The following TTLL8 variants were observed in gnomAD, a reference collection of about 807,000 sequenced individuals.
TTLL8 encodes the protein protein monoglycylase TTLL8.
Under a neutral mutation model 77.8 loss-of-function variants are expected in TTLL8, and 65 were observed. That is an observed-to-expected ratio of 0.84 (90% CI 0.68 to 1.03). The LOEUF (loss-of-function observed/expected upper bound fraction) is 1.03. Among genes scored for constraint, TTLL8 ranks in the 50% least tolerant of loss-of-function variants. The pLI, the probability that TTLL8 is intolerant of heterozygous loss-of-function variation, is 0.00. For missense variants in TTLL8, 910 were observed against 1,004.5 expected, an observed-to-expected ratio of 0.91 and a Z score of 1.27; for synonymous variants, 402 against 422.8, an observed-to-expected ratio of 0.95 and a Z score of 0.60.
chr22:50,053,276 T>C (rs1003291409), intron 1 of TTLL8, among the ~76,000 whole-genome samples: 2 of 145,540 alleles, frequency 1.4e-5, no homozygotes, highest in Non-Finnish European at 3.0e-5. Flanking sequence ...ATTAACAAAA[T>C]GTTAGGCGTA....
intron 1 of TTLL8, among the ~76,000 whole-genome samples, chr22:50,053,283 C>T (rs1034803120): frequency 2.0e-5 from 3 of 149,452 alleles, no homozygotes; most frequent in African/African-American, 4.9e-5. Context: ...AAATGTTAGG[C>T]GTAAAGCAAG....
intron 3 of TTLL8, among the ~76,000 whole-genome samples, 175 bp from the exon 6 acceptor site, chr22:50,047,471 G>A (rs779160495): frequency 1.3e-5 from 2 of 152,216 alleles, no homozygotes; most frequent in East Asian, 3.9e-4. Context: ...GATGTGGGGC[G>A]CAACCAGGAC....
intron 1 of TTLL8, among the ~76,000 whole-genome samples, chr22:50,051,605 T>C (rs963090175): frequency 2.0e-5 from 3 of 152,360 alleles, no homozygotes; most frequent in Admixed American, 1.3e-4. Context: ...CTTTAAGGAA[T>C]GTCCACGCTG....
chr22:50,051,188 T>TC (rs1423444139), intron 1 of TTLL8, among the ~76,000 whole-genome samples: 1 of 152,176 alleles, frequency 6.6e-6, no homozygotes, highest in Non-Finnish European at 1.5e-5. Flanking sequence ...TATCCCTCTC[T>TC]CCCCTCCCAA....
chr22:50,032,223 C>T (rs370244319), intron 10 of TTLL8, 114 bp from the exon 12 acceptor site: 7 of 1,122,436 alleles, frequency 6.2e-6, no homozygotes, highest in Non-Finnish European at 8.2e-6. Flanking sequence ...AACCCTGCCC[C>T]TGAGGACTCC....
chr22:50,032,547 C>T (rs2061304494), intron 10 of TTLL8, among the ~76,000 whole-genome samples: 1 of 152,246 alleles, frequency 6.6e-6, no homozygotes. Flanking sequence ...ACCGCAGCCG[C>T]TCGCCTGGGC....
In TTLL8 at chr22:50,044,775, T is replaced by G. The variant is rs895482416; in HGVS notation, c.643+480A>C. ...CCTAAAACTGCTCTAGAAATTACAT[T>G]TTATTAAAACCAACAACCACAAAAA... On this transcript the variant is annotated intron_variant, in intron 6 of 13. Transcript: ENST00000266182. This position sits in a 1 kb window ranked among gnomAD's most constrained non-coding sequence, Gnocchi z 4.2. 6.6e-6 allele frequency among the ~76,000 whole-genome samples: 1 copy of G among 152,114 alleles called. No homozygotes were observed. Among genetic ancestry groups the G allele is most frequent in the Non-Finnish European group, 1.5e-5 (1 of 68,024 alleles).
upstream of TTLL8, among the ~76,000 whole-genome samples, chr22:50,056,193 A>G (rs1212546900): frequency 6.6e-6 from 1 of 152,236 alleles, no homozygotes; most frequent in African/African-American, 2.4e-5. This position sits in a 1 kb window ranked among gnomAD's most constrained non-coding sequence, Gnocchi z 4.1. Context: ...TATCCAGGAC[A>G]TACAGAGAAT....
At chr22:50,025,429 C>T (rs994746612) in intron 12 of TTLL8, among the ~76,000 whole-genome samples, 25 of 152,066 alleles carry the variant, frequency 1.6e-4, no homozygotes, top group Non-Finnish European at 3.2e-4. Flanking sequence ...CACCTGAGGT[C>T]GGGAGTTCGA....
chr22:50,048,512 C>T (rs1005855985), intron 3 of TTLL8, among the ~76,000 whole-genome samples: 6 of 152,148 alleles, frequency 3.9e-5, no homozygotes, highest in Non-Finnish European at 8.8e-5. Flanking sequence ...AACCCAGACT[C>T]CAGCCTCCAG....
At chr22:50,058,114 CG>C (rs575703073), upstream of TTLL8, among the ~76,000 whole-genome samples, 955 of 151,836 alleles carry the variant, frequency 6.3e-3, 11 homozygotes, top group African/African-American at 0.022. This position sits in a 1 kb window ranked among gnomAD's most constrained non-coding sequence, Gnocchi z 4.2. Flanking sequence ...ATCGGAAGCG[CG>C]GACGGGCCTG....
At chr22:50,022,899 A>G (rs1040805573) in intron 12 of TTLL8, among the ~76,000 whole-genome samples, 2 of 152,256 alleles carry the variant, frequency 1.3e-5, no homozygotes, top group African/African-American at 2.4e-5. Context: ...CACAGTGTCC[A>G]TGTACAAAAT....
chr22:50,029,556 C>G (rs137898), intron 12 of TTLL8, among the ~76,000 whole-genome samples: 1 of 146,872 alleles, frequency 6.8e-6, no homozygotes, highest in Non-Finnish European at 1.5e-5. Flanking sequence ...CTGACTAACA[C>G]GGTGAAACCC....
chr22:50,052,173 T>G (rs906392122), intron 1 of TTLL8, among the ~76,000 whole-genome samples: 10 of 152,242 alleles, frequency 6.6e-5, no homozygotes, highest in East Asian at 5.8e-4. Flanking sequence ...CCCGCCCACG[T>G]GGCTGTGCAC....
chr22:50,019,793 T>C (rs2061184586), intron 12 of TTLL8, among the ~76,000 whole-genome samples: 1 of 152,218 alleles, frequency 6.6e-6, no homozygotes. Flanking sequence ...CAGCTCTGCT[T>C]TGCAGTGATT....
upstream of TTLL8, chr22:50,056,868 C>T: frequency 7.8e-7 from 1 of 1,289,734 alleles, no homozygotes; most frequent in Non-Finnish European, 1.0e-6. The surrounding 1 kb of genome is among the most constrained non-coding windows in gnomAD (Gnocchi z 4.1). Context: ...ACGATACCCA[C>T]TATTTTCTTC....
At chr22:50,057,792 G>T (rs1004156257), upstream of TTLL8, among the ~76,000 whole-genome samples, 2 of 151,270 alleles carry the variant, frequency 1.3e-5, no homozygotes, top group Non-Finnish European at 2.9e-5. Flanking sequence ...TGGGTTGGGG[G>T]TGCAGGTCTA....
At chr22:50,030,241 C>G (rs1055972640) in intron 12 of TTLL8, 189 bp downstream of exon 13, 2 of 985,374 alleles carry the variant, frequency 2.0e-6, no homozygotes, top group Non-Finnish European at 1.2e-6. Flanking sequence ...ACCCCCGTGC[C>G]GGGCTGGGAC....
At position 50,041,808 on chromosome 22, in the gene TTLL8, C is replaced by T. The variant is rs201710741; in HGVS notation, c.644-1G>A. ...AGCTTTGCCTCAGCATTTTCAGCAT[C>T]TGAAACCCAGACACAGGCACATGCA... On this transcript the variant is annotated splice_acceptor_variant, in intron 6 of 13. Coordinates refer to ENST00000266182, the Ensembl canonical transcript of TTLL8. LOFTEE classifies it high-confidence loss of function. The surrounding 1 kb of genome is among the most constrained non-coding windows in gnomAD (Gnocchi z 4.3). The T allele has an allele frequency of 7.4e-7, 1 of 1,360,156 alleles. No individual in the cohort carries two copies. Among genetic ancestry groups the T allele is most frequent in the Non-Finnish European group, 9.8e-7 (1 of 1,019,372 alleles). The allele number at this position is 1,360,156 out of a possible 1,614,324, so 84.3% of individuals were successfully genotyped here.
Sources: allele counts gnomAD v4.1 joint callset (sites outside exome capture counted in the v4.1 genomes callset), GRCh38; gene constraint gnomAD v4.1.1; non-coding constraint Gnocchi (gnomAD v3.1); transcripts MANE v1.5; gene names NCBI Gene and HGNC (gene_info 2026-07-23, HGNC 2026-07-21).